The following CHN2 variants were observed in gnomAD, a reference collection of about 807,000 sequenced individuals.
CHN2 encodes beta-chimaerin.
A neutral mutation model predicts 56.3 loss-of-function variants in CHN2; 35 were observed. The ratio of observed to expected loss-of-function variants is 0.62; its 90% CI spans 0.47 to 0.82. The LOEUF is 0.82. Ranked by LOEUF, CHN2 falls within the 40% of genes least tolerant of loss-of-function variation. CHN2 has a pLI of 0.00. For synonymous variants in CHN2, 210 were observed against 212.8 expected (o/e 0.99, Z 0.12); for missense variants, 491 against 580.5 (o/e 0.85, Z 1.58).
chr7:29,496,042 C>G lies in CHN2; in HGVS notation c.739+6C>G, dbSNP rs1457981639. The G allele has an allele frequency of 2.5e-6, 4 of 1,603,894 alleles. No homozygotes were observed. The South Asian group carries it at 3.3e-5, about 13-fold the overall frequency. ...CCAAGGGGTCCGGTGCTCAGGTAGA[C>G]ACAGAACTTTCTTCTTTTCCAATTA... On this transcript the variant is annotated splice_donor_region_variant and intron_variant, in intron 8 of 12. Coordinates refer to ENST00000222792, the MANE Select transcript of CHN2 (RefSeq NM_004067.4).
chr7:29,389,089 C>A (rs1463007804), intron 3 of CHN2, among the ~76,000 whole-genome samples: 2 of 152,068 alleles, frequency 1.3e-5, no homozygotes, highest in African/African-American at 4.8e-5. Context: ...TTGCTCAGAG[C>A]ATGTTGGGAA....
At chr7:29,490,891 T>C (rs1788592727) in intron 7 of CHN2, among the ~76,000 whole-genome samples, 3 of 152,200 alleles carry the variant, frequency 2.0e-5, no homozygotes, top group Admixed American at 1.3e-4. Flanking sequence ...AGTGTGTGTG[T>C]TCTTTGAATG....
At chr7:29,150,996 G>T (rs1051785360) in intron 2 of CHN2, among the ~76,000 whole-genome samples, 2 of 152,178 alleles carry the variant, frequency 1.3e-5, no homozygotes, top group African/African-American at 4.8e-5. Context: ...AAAGTCTACA[G>T]CTGTTCTGCA....
intron 3 of CHN2, among the ~76,000 whole-genome samples, chr7:29,378,620 C>G (rs543672429): frequency 4.6e-4 from 70 of 152,292 alleles, no homozygotes; most frequent in African/African-American, 1.6e-3. Context: ...CTTTATAGCC[C>G]TTGCTAGAAA....
chr7:29,387,431 G>A (rs1489159358), intron 3 of CHN2, among the ~76,000 whole-genome samples: 1 of 152,174 alleles, frequency 6.6e-6, no homozygotes, highest in African/African-American at 2.4e-5. Flanking sequence ...AGGCACTCTT[G>A]TTTTCCGAAT....
At chr7:29,356,194 C>T (rs971586138) in intron 2 of CHN2, among the ~76,000 whole-genome samples, 1 of 152,052 alleles carries the variant, frequency 6.6e-6, no homozygotes, top group Admixed American at 6.6e-5. Context: ...CTGAGTGGAA[C>T]CCACAGCCTG....
chr7:29,280,665 A>G (rs1731098827), intron 1 of CHN2, among the ~76,000 whole-genome samples: 2 of 152,224 alleles, frequency 1.3e-5, no homozygotes. Context: ...CAGAGAAGGC[A>G]GATGTTCAGC....
intron 2 of CHN2, among the ~76,000 whole-genome samples, chr7:29,360,694 C>A (rs6960085): frequency 6.6e-6 from 1 of 151,880 alleles, no homozygotes; most frequent in Non-Finnish European, 1.5e-5. Flanking sequence ...ACTGGCTCAG[C>A]GTCATGGCCA....
At chr7:29,372,037 C>T (rs541857558) in intron 3 of CHN2, among the ~76,000 whole-genome samples, 9 of 151,870 alleles carry the variant, frequency 5.9e-5, no homozygotes, top group African/African-American at 1.2e-4. Flanking sequence ...AAATCATCAT[C>T]GTTAAATATA....
chr7:29,248,814 C>T (rs1361914343), intron 1 of CHN2, among the ~76,000 whole-genome samples: 1 of 152,158 alleles, frequency 6.6e-6, no homozygotes, highest in African/African-American at 2.4e-5. Context: ...AACCTGAATA[C>T]TTCATGTTTT....
intron 6 of CHN2, among the ~76,000 whole-genome samples, chr7:29,439,908 A>G (rs564152436): frequency 1.3e-5 from 2 of 152,178 alleles, no homozygotes; most frequent in Non-Finnish European, 2.9e-5. Flanking sequence ...TCTCCATTTT[A>G]CAGACAGGCA....
intron 1 of CHN2, among the ~76,000 whole-genome samples, chr7:29,237,316 G>T (rs1787277251): frequency 6.6e-6 from 1 of 152,084 alleles, no homozygotes; most frequent in Non-Finnish European, 1.5e-5. Flanking sequence ...CCTTGCCTTT[G>T]CAGGTCTGTA....
chr7:29,426,171 T>C (rs1804844473), intron 6 of CHN2, among the ~76,000 whole-genome samples: 1 of 127,642 alleles, frequency 7.8e-6, no homozygotes, highest in Non-Finnish European at 1.6e-5. Flanking sequence ...ATCCTGCCAC[T>C]GCACTCCAGC....
intron 6 of CHN2, among the ~76,000 whole-genome samples, chr7:29,410,030 A>G (rs1803054804): frequency 6.6e-6 from 1 of 152,188 alleles, no homozygotes; most frequent in Non-Finnish European, 1.5e-5. Context: ...ACGACCTCAG[A>G]GCTCTTCCCA....
At chr7:29,415,514 A>G (rs1417729049) in intron 6 of CHN2, among the ~76,000 whole-genome samples, 1 of 152,226 alleles carries the variant, frequency 6.6e-6, no homozygotes. Context: ...AAACAAAAAC[A>G]AAACAGGCCA....
intron 1 of CHN2, among the ~76,000 whole-genome samples, chr7:29,208,096 C>T (rs1562831167): frequency 6.6e-6 from 1 of 152,188 alleles, no homozygotes; most frequent in African/African-American, 2.4e-5. Context: ...AGTATAGAGA[C>T]TCCTCTAGGT....
intron 1 of CHN2, among the ~76,000 whole-genome samples, chr7:29,265,186 C>T (rs1266111611): frequency 6.6e-6 from 1 of 152,192 alleles, no homozygotes; most frequent in Non-Finnish European, 1.5e-5. Flanking sequence ...CCTATTCCTT[C>T]AACTTCTCCT....
At chr7:29,411,266 C>T (rs1033071450) in intron 6 of CHN2, among the ~76,000 whole-genome samples, 8 of 152,174 alleles carry the variant, frequency 5.3e-5, no homozygotes, top group East Asian at 1.9e-4. Context: ...CTCAAAGTGA[C>T]ATTGAACAAG....
At chr7:29,277,535 C>CTG (rs1791333012) in intron 1 of CHN2, among the ~76,000 whole-genome samples, 1 of 152,226 alleles carries the variant, frequency 6.6e-6, no homozygotes, top group Non-Finnish European at 1.5e-5. Flanking sequence ...TCACCAGGAG[C>CTG]TACAGTTGTA....
Sources: gnomAD v4.1 joint callset for allele counts (sites outside exome capture counted in the v4.1 genomes callset) on GRCh38, gnomAD v4.1.1 for gene constraint, MANE v1.5 for transcripts, NCBI Gene and HGNC (gene_info 2026-07-23, HGNC 2026-07-21) for gene names.